The following SAMD3 variants were observed in gnomAD, a reference collection of about 807,000 sequenced individuals.
SAMD3 encodes sterile alpha motif domain-containing protein 3.
A neutral mutation model predicts 58.5 loss-of-function variants in SAMD3; 63 were observed. The observed-to-expected ratio is 1.08, with a 90% CI of 0.88 to 1.33. The LOEUF (loss-of-function observed/expected upper bound fraction) is 1.33. Among genes scored for constraint, SAMD3 ranks in the 40% most tolerant of loss-of-function variants. The pLI is 0.00. For synonymous variants in SAMD3, 220 were observed against 210.3 expected (o/e 1.05, Z -0.40); for missense variants, 604 against 608.4 (o/e 0.99, Z 0.08).
intron 5 of SAMD3, among the ~76,000 whole-genome samples, chr6:130,185,581 CCTCCCAAAGTGCTGGGA>C (rs1222863191): frequency 1.3e-5 from 2 of 151,832 alleles, no homozygotes; most frequent in Non-Finnish European, 2.9e-5. Flanking sequence ...CCCACCTTGG[CCTCCCAAAGTGCTGGGA>C]CTACAGGCCT....
chr6:130,222,019 G>C (rs1029481899), intron 1 of SAMD3, among the ~76,000 whole-genome samples: 1 of 152,154 alleles, frequency 6.6e-6, no homozygotes, highest in Admixed American at 6.5e-5. Flanking sequence ...ACACTGCTAA[G>C]GGGAGTATAA....
At chr6:130,210,619 G>T (rs116852334) in intron 4 of SAMD3, among the ~76,000 whole-genome samples, 3,777 of 151,480 alleles carry the variant, frequency 0.025, 67 homozygotes, top group Middle Eastern at 0.041. Flanking sequence ...AAAAGGTCAG[G>T]TATAAACCAA....
intron 1 of SAMD3, among the ~76,000 whole-genome samples, chr6:130,352,735 TCA>T (rs1777716475): frequency 6.6e-6 from 1 of 152,168 alleles, no homozygotes. Context: ...TGAAAAGAAC[TCA>T]CAGTTTCTAT....
At chr6:130,286,195 T>C (rs959162007) in intron 2 of SAMD3, 1 of 152,248 alleles carries the variant, frequency 6.6e-6, no homozygotes, top group Non-Finnish European at 1.5e-5. Context: ...TTCCATGCTA[T>C]GCCGTGCCTC....
intron 3 of SAMD3, among the ~76,000 whole-genome samples, chr6:130,214,968 CT>C (rs894578731): frequency 2.4e-4 from 36 of 152,082 alleles, no homozygotes; most frequent in Admixed American, 1.2e-3. Flanking sequence ...ACCCGTAAGA[CT>C]TTTTTATTTG....
chr6:130,348,923 C>G (rs1212543710), intron 1 of SAMD3, among the ~76,000 whole-genome samples: 1 of 152,072 alleles, frequency 6.6e-6, no homozygotes. Flanking sequence ...GATTAAGAAA[C>G]TCACTCAAAA....
At chr6:130,326,535 T>G (rs771760077) in intron 1 of SAMD3, among the ~76,000 whole-genome samples, 2 of 152,200 alleles carry the variant, frequency 1.3e-5, no homozygotes, top group African/African-American at 2.4e-5. Flanking sequence ...CACATTCTAT[T>G]TTACTGTTCA....
intron 1 of SAMD3, among the ~76,000 whole-genome samples, chr6:130,350,788 G>T (rs1408448423): frequency 6.6e-6 from 1 of 151,438 alleles, no homozygotes; most frequent in Non-Finnish European, 1.5e-5. Flanking sequence ...AAAAGTTTAG[G>T]CAAAGCTGGA....
intron 6 of SAMD3, 86 bp downstream of exon 6, chr6:130,184,352 T>C (rs1792721578): frequency 7.4e-7 from 1 of 1,342,962 alleles, no homozygotes; most frequent in Non-Finnish European, 1.0e-6. Flanking sequence ...ATCCACAATC[T>C]GAAGAGAGTT....
intron 5 of SAMD3, among the ~76,000 whole-genome samples, chr6:130,194,337 A>G (rs1358915188): frequency 6.6e-6 from 1 of 152,164 alleles, no homozygotes. Context: ...TAGACCCTAA[A>G]AGGTCAAAAG....
At chr6:130,360,839 C>T (rs764458046) in intron 1 of SAMD3, among the ~76,000 whole-genome samples, 1 of 152,174 alleles carries the variant, frequency 6.6e-6, no homozygotes, top group Non-Finnish European at 1.5e-5. Flanking sequence ...CCCTCAGGGG[C>T]ATATTCTCTT....
intron 2 of SAMD3, among the ~76,000 whole-genome samples, chr6:130,235,754 T>C (rs972572236): frequency 1.3e-5 from 2 of 152,226 alleles, no homozygotes; most frequent in African/African-American, 4.8e-5. Flanking sequence ...GGTTTTATGT[T>C]CAAATTATGT....
At chr6:130,191,352 G>A (rs1380410179) in intron 5 of SAMD3, among the ~76,000 whole-genome samples, 2 of 152,034 alleles carry the variant, frequency 1.3e-5, no homozygotes, top group African/African-American at 4.8e-5. Context: ...TCATCCCTTT[G>A]GGTTCCTGGG....
intron 2 of SAMD3, 86 bp downstream of exon 2, chr6:130,216,482 ATTG>A (rs1796010450): frequency 6.6e-6 from 1 of 152,206 alleles, no homozygotes; most frequent in Admixed American, 6.5e-5. Flanking sequence ...AAATGGAACT[ATTG>A]TTGTATTTCT....
intron 2 of SAMD3, among the ~76,000 whole-genome samples, chr6:130,309,783 G>A (rs1005887035): frequency 6.6e-6 from 1 of 152,192 alleles, no homozygotes; most frequent in African/African-American, 2.4e-5. Context: ...GTTAACTGGT[G>A]TCCTTGACTG....
At chr6:130,198,502 T>G (rs1180100920) in intron 5 of SAMD3, among the ~76,000 whole-genome samples, 2 of 152,154 alleles carry the variant, frequency 1.3e-5, no homozygotes, top group East Asian at 3.9e-4. Flanking sequence ...AGCCACCACA[T>G]CTAGCCTAAA....
intron 3 of SAMD3, 75 bp from the exon 4 acceptor site, chr6:130,214,601 C>G: frequency 2.0e-6 from 2 of 1,022,310 alleles, no homozygotes; most frequent in East Asian, 5.3e-5. Context: ...GGCAAAATTA[C>G]CTCTAGTGAT....
intron 5 of SAMD3, among the ~76,000 whole-genome samples, chr6:130,207,169 A>AAAG (rs1554262249): frequency 1.4e-5 from 2 of 140,984 alleles, no homozygotes; most frequent in Admixed American, 7.1e-5. Flanking sequence ...CAAAAAAAAA[A>AAAG]AAAGAAAAAA....
intron 2 of SAMD3, among the ~76,000 whole-genome samples, chr6:130,310,128 T>C (rs1333556091): frequency 1.3e-5 from 2 of 152,202 alleles, no homozygotes; most frequent in East Asian, 3.8e-4. Context: ...CCTTAGAGAA[T>C]AATATTCTCC....
Sources: gnomAD v4.1 joint callset for allele counts (sites outside exome capture counted in the v4.1 genomes callset) on GRCh38, gnomAD v4.1.1 for gene constraint, MANE v1.5 for transcripts, NCBI Gene and HGNC (gene_info 2026-07-23, HGNC 2026-07-21) for gene names.